DNAH17: variants seen among roughly 807,000 people sequenced by gnomAD.
The protein encoded by DNAH17 is dynein axonemal heavy chain 17, also known as axonemal beta dynein heavy chain 17.
A neutral mutation model predicts 485.6 loss-of-function variants in DNAH17; 376 were observed. That is an observed-to-expected ratio of 0.77 (90% confidence interval 0.71 to 0.84). DNAH17 has a LOEUF of 0.84. Among genes scored for constraint, DNAH17 ranks in the 40% least tolerant of loss-of-function variants. The pLI is 0.00. For missense variants in DNAH17, 6,370 were observed against 5,839.3 expected (o/e 1.09, Z -2.96); for synonymous variants, 3,031 against 2,405.9 (o/e 1.26, Z -7.60).
At chr17:78,457,011 G>GA (rs1378081283) in intron 62 of DNAH17, among the ~76,000 whole-genome samples, 69 of 152,352 alleles carry the variant, frequency 4.5e-4, no homozygotes, top group African/African-American at 1.5e-3. Flanking sequence ...GCAGGCAGCT[G>GA]CCAGCCCTGG....
intron 80 of DNAH17, 138 bp downstream of exon 80, chr17:78,425,208 G>GC: frequency 2.5e-6 from 2 of 795,982 alleles, no homozygotes; most frequent in Non-Finnish European, 4.0e-6. Flanking sequence ...GCAGGCTGAT[G>GC]CCCCCTGAGA....
intron 26 of DNAH17, among the ~76,000 whole-genome samples, chr17:78,512,878 T>G (rs1333691341): frequency 7.0e-6 from 1 of 142,366 alleles, no homozygotes; most frequent in Non-Finnish European, 1.5e-5. Flanking sequence ...GAGGTGGAGG[T>G]TGCAGTGAGC....
intron 44 of DNAH17, chr17:78,490,091 T>C (rs691323): frequency 0.58 from 88,970 of 152,114 alleles, 26,900 homozygotes; most frequent in African/African-American, 0.75. Context: ...TTTCTCCAGA[T>C]TTCAGATATT....
chr17:78,511,400 A>AC (rs1233269820), intron 26 of DNAH17, among the ~76,000 whole-genome samples: 1 of 151,954 alleles, frequency 6.6e-6, no homozygotes, highest in Non-Finnish European at 1.5e-5. Flanking sequence ...GAGCCACCGC[A>AC]CCCCCGGCTA....
intron 44 of DNAH17, among the ~76,000 whole-genome samples, chr17:78,489,200 G>T (rs1411241339): frequency 6.6e-6 from 1 of 152,180 alleles, no homozygotes; most frequent in Non-Finnish European, 1.5e-5. Flanking sequence ...CCTCCCAGCA[G>T]AGGGTCTCAC....
Position 78,529,502 on chromosome 17 carries a change from C to G in DNAH17, c.3477G>C (p.Glu1159Asp). The change falls in exon 22 of 81, where the codon GAG (glutamate) becomes GAC (aspartate). Residue 1159 changes from glutamate to aspartate, a missense_variant. Glu to Asp is a conservative substitution (Grantham distance 45, BLOSUM62 2). Transcript: ENST00000389840. ...GCTTCAAGTGGATCTCCTCTGGCAT[C>G]TCCTCCCCGTAGGTCTTGAGCAGCT... The part of the protein sequence containing the change: ...TIELLKTYGE[E>D]MPEEIHLKLQ... 1 of 1,613,972 alleles carries G rather than the reference C, an allele frequency of 6.2e-7. No homozygotes were observed. The highest frequency in any genetic ancestry group is 8.5e-7 in the Non-Finnish European group (1 of 1,179,888).
intron 69 of DNAH17, among the ~76,000 whole-genome samples, chr17:78,446,936 G>A (rs616397): frequency 0.021 from 3,237 of 152,246 alleles, 124 homozygotes; most frequent in African/African-American, 0.07. Context: ...GAGCCACTGT[G>A]CCCGGCCTTG....
intron 74 of DNAH17, among the ~76,000 whole-genome samples, chr17:78,435,289 G>C (rs545206311): frequency 6.0e-4 from 91 of 152,242 alleles, no homozygotes; most frequent in African/African-American, 2.1e-3. Flanking sequence ...GAGTCCATCC[G>C]ATCCGGTGCT....
At chr17:78,451,722 G>T in intron 65 of DNAH17, 49 bp from the exon 66 acceptor site, 2 of 1,494,138 alleles carry the variant, frequency 1.3e-6, no homozygotes, top group South Asian at 1.3e-5. Flanking sequence ...GTGACCAGGG[G>T]AGAGGAACAC....
At chr17:78,530,951 CTG>C (rs1399230584) in intron 20 of DNAH17, among the ~76,000 whole-genome samples, 16 of 152,366 alleles carry the variant, frequency 1.1e-4, no homozygotes, top group African/African-American at 3.6e-4. Context: ...CTCTTTCTCA[CTG>C]TGCATTGGGA....
chr17:78,558,949 G>GCA (rs1395331749), intron 13 of DNAH17, among the ~76,000 whole-genome samples: 1 of 152,176 alleles, frequency 6.6e-6, no homozygotes, highest in African/African-American at 2.4e-5. Flanking sequence ...TTCCTTCTGG[G>GCA]CACACAGTGT....
intron 25 of DNAH17, among the ~76,000 whole-genome samples, chr17:78,517,572 T>C (rs115272816): frequency 4.5e-4 from 68 of 152,304 alleles, no homozygotes; most frequent in African/African-American, 1.6e-3. Context: ...CATGGCAGCC[T>C]ACAGAGACAT....
chr17:78,526,063 CT>C (rs1357820784), intron 24 of DNAH17, among the ~76,000 whole-genome samples: 1 of 152,218 alleles, frequency 6.6e-6, no homozygotes, highest in Non-Finnish European at 1.5e-5. Flanking sequence ...AGAGGCCCCC[CT>C]GGGCCCTGAG....
intron 11 of DNAH17, 74 bp from the exon 12 acceptor site, chr17:78,562,054 C>G (rs773329737): frequency 1.4e-6 from 2 of 1,480,576 alleles, no homozygotes; most frequent in East Asian, 4.6e-5. Context: ...GTGGACAAAA[C>G]GGGCAGGGCC....
chr17:78,485,172 C>G lies in DNAH17; in HGVS notation c.7484-139G>C. On this transcript the variant is annotated intron_variant, in intron 47 of 80. Coordinates refer to ENST00000389840, the MANE Select transcript of DNAH17 (RefSeq NM_173628.4). ...TCCAAGTTTACCAAAGGTACCTGCC[C>G]TGGGAGTGGCCCTTGAGGGGGCACC... is the stretch of plus-strand genomic sequence containing the variant. 1.1e-5 allele frequency: 13 copies of G among 1,155,248 alleles called. No individual in the cohort carries two copies. The South Asian group carries it at 2.1e-4, about 19-fold the overall frequency. 71.6% of individuals were successfully genotyped at this position (1,155,248 alleles called of 1,614,324 possible). A position where few individuals can be genotyped will look rare whatever the true frequency, so the allele number is the denominator to read the frequency against.
rs1176127722 is a variant in DNAH17 at position 78,485,031 on chromosome 17, C to T, written c.7486G>A (p.Val2496Met). The change falls in exon 48 of 81, where the codon GTG becomes ATG. Residue 2496 changes from valine (V) to methionine (M), a missense_variant and splice_region_variant. By Grantham distance (21) the Val-to-Met change is conservative. Transcript: ENST00000389840. ...FYTTSAMLQG[V>M]LEKPLEKKSG... Reference sequence around the variant, plus strand: ...TTCTTCTCCAGCGGCTTCTCCAGCACCCCTAGAGAGGGCAGAGGGTCAGCT... The same window carrying T: ...TTCTTCTCCAGCGGCTTCTCCAGCATCCCTAGAGAGGGCAGAGGGTCAGCT... The T allele has an allele frequency of 1.2e-6, 2 of 1,606,102 alleles. No individual in the cohort carries two copies. Among genetic ancestry groups the T allele is most frequent in the African/African-American group, 2.7e-5 (2 of 74,736 alleles).
chr17:78,541,212 TGGGTGGGG>T (rs1375435882), intron 17 of DNAH17, among the ~76,000 whole-genome samples: 17 of 1,084 alleles, frequency 0.016, 6 homozygotes, highest in African/African-American at 0.057. Flanking sequence ...AGCGGATGGG[TGGGTGGGG>T]GGGTGAGCGG....
intron 51 of DNAH17, 93 bp downstream of exon 51, chr17:78,478,932 C>G: frequency 9.9e-7 from 1 of 1,011,484 alleles, no homozygotes; most frequent in Non-Finnish European, 1.5e-6. Context: ...CATCATCAGT[C>G]CACACCTCCC....
chr17:78,441,608 A>G (rs1846781462), intron 71 of DNAH17, among the ~76,000 whole-genome samples: 2 of 152,166 alleles, frequency 1.3e-5, no homozygotes, highest in African/African-American at 4.8e-5. Context: ...CTCTCTCTAC[A>G]AAAGCCCCCA....
Sources: gnomAD v4.1 joint callset for allele counts (sites outside exome capture counted in the v4.1 genomes callset) on GRCh38, gnomAD v4.1.1 for gene constraint, MANE v1.5 for transcripts, NCBI Gene and HGNC (gene_info 2026-07-23, HGNC 2026-07-21) for gene names.